The following ZNF407 variants were observed in gnomAD, a reference collection of about 807,000 sequenced individuals.
The protein encoded by ZNF407 is zinc finger protein 407.
In ZNF407, 17 loss-of-function variants were observed where a neutral mutation model predicts 131.2. That is an observed-to-expected ratio of 0.13 (90% CI 0.09 to 0.19). ZNF407 has a LOEUF of 0.19. Ranked by LOEUF, ZNF407 falls within the 10% of genes least tolerant of loss-of-function variation. The pLI, the probability that ZNF407 is intolerant of heterozygous loss-of-function variation, is 1.00. For missense variants in ZNF407, 2,681 were observed against 2,830.6 expected, an observed-to-expected ratio of 0.95 and a Z score of 1.20; for synonymous variants, 1,156 against 1,062.0, an observed-to-expected ratio of 1.09 and a Z score of -1.72.
intron 3 of ZNF407, among the ~76,000 whole-genome samples, chr18:74,773,565 G>A (rs1218694801): frequency 3.9e-5 from 6 of 152,204 alleles, no homozygotes; most frequent in Non-Finnish European, 2.9e-5. Context: ...GAAGTAGTAA[G>A]TAACACCTTT....
In ZNF407 at chr18:74,634,308, C is replaced by T; in HGVS notation, c.3289C>T (p.Pro1097Ser). 1 of 1,613,910 alleles carries T rather than the reference C, an allele frequency of 6.2e-7. No individual in the cohort carries two copies. Among genetic ancestry groups the T allele is most frequent in the Non-Finnish European group, 8.5e-7 (1 of 1,179,870 alleles). Residue 1097 changes from proline (P) to serine (S), a missense_variant, in exon 2 of 9, where the codon CCT (proline) becomes TCT (serine). Pro to Ser is a moderately conservative substitution (Grantham distance 74). This residue lies in a region of ZNF407 where 1,789 missense variants were observed against 1,748.7 expected (regional missense o/e 1.02). Coordinates refer to ENST00000299687, the MANE Select transcript of ZNF407 (RefSeq NM_017757.3). Reference sequence around the variant, plus strand: ...AGACATGTCCAAAAACATCATTATGCCTGAAGAAGAGCATCAACAAAATTC... The same window carrying T: ...AGACATGTCCAAAAACATCATTATGTCTGAAGAAGAGCATCAACAAAATTC... ...SADMSKNIIM[P>S]EEEHQQNSEE...
At chr18:74,873,080 A>G (rs1246754721) in intron 4 of ZNF407, among the ~76,000 whole-genome samples, 1 of 151,284 alleles carries the variant, frequency 6.6e-6, no homozygotes, top group Non-Finnish European at 1.5e-5. Flanking sequence ...CTTGTCTGAT[A>G]TTTAGACATT....
rs184461417 is a variant in ZNF407, at chr18:74,808,576, G to A, written c.4877+27074G>A. Among the ~76,000 whole-genome samples, 402 of 152,236 alleles carry A rather than the reference G, an allele frequency of 2.6e-3. 4 individuals carry two copies. The highest frequency in any genetic ancestry group is 9.1e-3 in the African/African-American group (380 of 41,548). On this transcript the variant is annotated intron_variant, in intron 4 of 8. Coordinates refer to ENST00000299687, the MANE Select transcript of ZNF407 (RefSeq NM_017757.3). ...AAGGGAAAGTCTAATGGAAAATAATGGTAAATGTAAATGTTACTGAGATAC... is the reference window on the plus strand; with the variant it reads ...AAGGGAAAGTCTAATGGAAAATAATAGTAAATGTAAATGTTACTGAGATAC...
chr18:74,669,083 A>C (rs1986040755), intron 3 of ZNF407, among the ~76,000 whole-genome samples: 1 of 151,686 alleles, frequency 6.6e-6, no homozygotes, highest in African/African-American at 2.4e-5. Context: ...TGTCTTTCCT[A>C]CTTCCTGAAC....
chr18:74,811,444 ACC>A (rs1225663533), intron 4 of ZNF407, among the ~76,000 whole-genome samples: 1 of 152,320 alleles, frequency 6.6e-6, no homozygotes, highest in Admixed American at 6.5e-5. Context: ...AACTAGTTCA[ACC>A]ATTGTGGAAG....
At chr18:74,885,102 C>G (rs1386517455) in intron 6 of ZNF407, among the ~76,000 whole-genome samples, 1 of 152,030 alleles carries the variant, frequency 6.6e-6, no homozygotes, top group Non-Finnish European at 1.5e-5. Context: ...ACCACTTAGA[C>G]TTATTATATT....
intron 7 of ZNF407, among the ~76,000 whole-genome samples, chr18:74,908,995 A>G (rs1971632890): frequency 6.6e-6 from 1 of 151,964 alleles, no homozygotes; most frequent in African/African-American, 2.4e-5. Context: ...TTCTATATGC[A>G]TTTTGGAATC....
At position 74,837,416 on chromosome 18, in the gene ZNF407, C is replaced by T. The variant is rs114260084; in HGVS notation, c.4878-39781C>T. Among the ~76,000 whole-genome samples, 606 of 151,656 alleles carry T rather than the reference C, an allele frequency of 4.0e-3. 6 individuals carry two copies. The highest frequency in any genetic ancestry group is 0.014 in the African/African-American group (574 of 41,320). On this transcript the variant is annotated intron_variant, in intron 4 of 8. Transcript: ENST00000299687. ...GTGAGGCTTACATTAAAAAAAAAAT[C>T]CAATACTAGATGTGAAATAATAATG...
At chr18:74,709,005 A>G (rs1489983233) in intron 3 of ZNF407, among the ~76,000 whole-genome samples, 1 of 152,228 alleles carries the variant, frequency 6.6e-6, no homozygotes, top group East Asian at 1.9e-4. Flanking sequence ...AAAGACCTCA[A>G]AATAATGCCT....
intron 4 of ZNF407, among the ~76,000 whole-genome samples, chr18:74,790,990 C>CT (rs561396116): frequency 2.7e-4 from 41 of 152,176 alleles, no homozygotes; most frequent in Non-Finnish European, 5.1e-4. Context: ...AATTCTTGGT[C>CT]TTAGGGCCAC....
rs752254409 is a variant in ZNF407 at position 74,703,515 on chromosome 18, C to T, written c.4802+62393C>T. 2.0e-5 allele frequency among the ~76,000 whole-genome samples: 3 copies of T among 152,132 alleles called. No homozygotes were observed. Among genetic ancestry groups the T allele is most frequent in the Non-Finnish European group, 4.4e-5 (3 of 68,022 alleles). On this transcript the variant is annotated intron_variant, in intron 3 of 8. Transcript: ENST00000299687. The surrounding 1 kb of genome is among the most constrained non-coding windows in gnomAD (Gnocchi z 4.1). Reference sequence around the variant, plus strand: ...CAGAGTAGCTGGGATTACAGGTATACACCACCACACCCAGCTAATTTTGTA... The same window carrying T: ...CAGAGTAGCTGGGATTACAGGTATATACCACCACACCCAGCTAATTTTGTA...
chr18:74,609,408 T>A (rs1599126211), intron 1 of ZNF407, among the ~76,000 whole-genome samples: 1 of 152,218 alleles, frequency 6.6e-6, no homozygotes, highest in East Asian at 1.9e-4. Context: ...CCATATAGCA[T>A]GTTACTGTAC....
At chr18:74,801,938 C>G (rs193236425) in intron 4 of ZNF407, among the ~76,000 whole-genome samples, 202 of 152,192 alleles carry the variant, frequency 1.3e-3, no homozygotes, top group Admixed American at 2.7e-3. Context: ...AGAAAGTGCT[C>G]TTCCTTAAAA....
chr18:74,954,315 A>T (rs1218674677), intron 8 of ZNF407, among the ~76,000 whole-genome samples: 3 of 152,190 alleles, frequency 2.0e-5, no homozygotes, highest in Admixed American at 1.3e-4. Context: ...TGTTACTGTG[A>T]TCTCTTTGTA....
rs1179756232 is a variant in ZNF407, at chr18:74,754,311, T to C, written c.4803-27117T>C. Among the ~76,000 whole-genome samples, 6 of 152,208 alleles carry C rather than the reference T, an allele frequency of 3.9e-5. No homozygotes were observed. The South Asian group carries it at 1.2e-3, about 31-fold the overall frequency. On this transcript the variant is annotated intron_variant, in intron 3 of 8. Transcript: ENST00000299687. The stretch of plus-strand genomic sequence containing the variant: ...TTCAAAAAACCAGTTCCTGGATTCA[T>C]TGAATTTTTGAAGGGTTTTTTGTGT...
At chr18:74,787,305 A>T (rs1170461280) in intron 4 of ZNF407, among the ~76,000 whole-genome samples, 1 of 152,212 alleles carries the variant, frequency 6.6e-6, no homozygotes, top group Non-Finnish European at 1.5e-5. Context: ...GTTCCACCAA[A>T]GTTATCTTGC....
rs565692969 is a variant in ZNF407 at position 74,614,656 on chromosome 18, A to G, written c.-53-16311A>G. On this transcript the variant is annotated intron_variant, in intron 1 of 8. Coordinates refer to ENST00000299687, the MANE Select transcript of ZNF407 (RefSeq NM_017757.3). The stretch of plus-strand genomic sequence containing the variant: ...GTACAGATTTTTTGTCCCTATCCCA[A>G]ACTTTCTTAATCAGAATCTTTGACG... Among the ~76,000 whole-genome samples the G allele has an allele frequency of 3.3e-4, 50 of 152,184 alleles. No homozygotes were observed. The South Asian group carries it at 1.0e-2, about 30-fold the overall frequency.
intron 1 of ZNF407, among the ~76,000 whole-genome samples, chr18:74,625,477 C>T (rs1983747960): frequency 6.6e-6 from 1 of 152,162 alleles, no homozygotes; most frequent in African/African-American, 2.4e-5. Context: ...TCGTGCACTG[C>T]AGCAGTGTTT....
chr18:74,802,670 T>G (rs1970039741), intron 4 of ZNF407, among the ~76,000 whole-genome samples: 1 of 152,220 alleles, frequency 6.6e-6, no homozygotes, highest in Non-Finnish European at 1.5e-5. Context: ...TTGTGAAATA[T>G]TCTAAGTGTT....
Sources: gnomAD v4.1 joint callset for allele counts (sites outside exome capture counted in the v4.1 genomes callset) on GRCh38, gnomAD v4.1.1 for gene constraint, gnomAD v4.1.1 regional missense constraint, Gnocchi (gnomAD v3.1) non-coding constraint, MANE v1.5 for transcripts, NCBI Gene and HGNC (gene_info 2026-07-23, HGNC 2026-07-21) for gene names.